The following ACYP2 variants were observed in gnomAD, a reference collection of about 807,000 sequenced individuals.
ACYP2 encodes acylphosphatase-2.
A neutral mutation model predicts 11.2 loss-of-function variants in ACYP2; 12 were observed. The ratio of observed to expected loss-of-function variants is 1.08; its 90% confidence interval spans 0.69 to 1.74. ACYP2 has a LOEUF of 1.74. ACYP2 is among the 40% of genes most tolerant of loss of function. The probability of loss-of-function intolerance (pLI) is 0.00; values close to 1 mark genes in which losing one functional copy is unlikely to be tolerated. For synonymous variants in ACYP2, 43 were observed against 32.2 expected, an observed-to-expected ratio of 1.33 and a Z score of -1.13; for missense variants, 134 against 101.9, an observed-to-expected ratio of 1.31 and a Z score of -1.35.
rs34122179 is a variant in ACYP2, at chr2:54,027,837, C to CTT, written c.63-23102_63-23101dup. Reference sequence around the variant, plus strand: ...AGTCATCATGTTTCTTTCTTTCTTTCTTTTTTTTTTTTTTTTTTTTGAGAC... The same window carrying CTT: ...AGTCATCATGTTTCTTTCTTTCTTTCTTTTTTTTTTTTTTTTTTTTTTGAGAC... On this transcript the variant is annotated intron_variant, in intron 2 of 6. Transcript: ENST00000607452. Among the ~76,000 whole-genome samples the CTT allele has an allele frequency of 1.4e-3, 137 of 97,854 alleles. 3 individuals carry two copies. The highest frequency in any genetic ancestry group is 2.2e-3 in the Non-Finnish European group (112 of 51,320). 64.2% of individuals were successfully genotyped at this position (97,854 alleles called of 152,430 possible).
At chr2:54,065,931 T>G (rs1676722139) in intron 4 of ACYP2, 1 of 158,438 alleles carries the variant, frequency 6.3e-6, no homozygotes. Context: ...AGCCTCTTCT[T>G]TCAAACATGA....
intron 4 of ACYP2, among the ~76,000 whole-genome samples, chr2:54,108,785 A>G: frequency 6.6e-6 from 1 of 152,148 alleles, no homozygotes; most frequent in East Asian, 1.9e-4. Flanking sequence ...TCCTGATGTA[A>G]TATTAACTTT....
chr2:54,035,828 C>G (rs1232596780), intron 2 of ACYP2, among the ~76,000 whole-genome samples: 2 of 152,040 alleles, frequency 1.3e-5, no homozygotes, highest in African/African-American at 4.8e-5. Context: ...CTTCTAAGGA[C>G]TTGAGAATGA....
chr2:54,068,809 C>G (rs2103644037), intron 4 of ACYP2, among the ~76,000 whole-genome samples: 1 of 152,118 alleles, frequency 6.6e-6, no homozygotes, highest in East Asian at 1.9e-4. Flanking sequence ...CTCAAACAGC[C>G]TGTGTTTGAA....
At chr2:54,254,782 G>C (rs1366173830) in intron 6 of ACYP2, 1 of 812,884 alleles carries the variant, frequency 1.2e-6, no homozygotes, top group Non-Finnish European at 1.9e-6. Flanking sequence ...CAGGTTGAGA[G>C]AACGGAAAGT....
At chr2:54,122,628 C>G (rs953018295) in intron 4 of ACYP2, among the ~76,000 whole-genome samples, 1 of 152,192 alleles carries the variant, frequency 6.6e-6, no homozygotes, top group African/African-American at 2.4e-5. Context: ...CCACATCTAC[C>G]TTTTCTTTCT....
In ACYP2 at chr2:54,061,485, A is replaced by C. The variant is rs533025346; in HGVS notation, c.277+4125A>C. ...TCCTGAACAGAGACTAAAGTTGCTG[A>C]TGATGTTGTTTTCTTACTGGTGAAC... On this transcript the variant is annotated intron_variant, in intron 4 of 6. Coordinates refer to ENST00000607452, the MANE Select transcript of ACYP2 (RefSeq NM_001320586.2). Among the ~76,000 whole-genome samples the C allele has an allele frequency of 1.3e-4, 20 of 152,310 alleles. No homozygotes were observed. The East Asian group carries it at 3.9e-3, about 29-fold the overall frequency.
At chr2:54,245,262 T>G (rs998499560) in intron 6 of ACYP2, among the ~76,000 whole-genome samples, 1 of 152,196 alleles carries the variant, frequency 6.6e-6, no homozygotes, top group African/African-American at 2.4e-5. Context: ...TATACCACAT[T>G]TCCTTGATTC....
At chr2:54,045,498 G>A (rs565988907) in intron 2 of ACYP2, among the ~76,000 whole-genome samples, 1 of 152,274 alleles carries the variant, frequency 6.6e-6, no homozygotes, top group African/African-American at 2.4e-5. Context: ...CCAAAGAGAA[G>A]GCTTGACATT....
At chr2:54,182,050 T>TA (rs1370485544) in intron 6 of ACYP2, among the ~76,000 whole-genome samples, 1 of 140,208 alleles carries the variant, frequency 7.1e-6, no homozygotes, top group Non-Finnish European at 1.5e-5. Flanking sequence ...GAAGATAATT[T>TA]TTTTTTTTTT....
At chr2:54,250,536 G>A (rs900965849) in intron 6 of ACYP2, among the ~76,000 whole-genome samples, 3 of 152,162 alleles carry the variant, frequency 2.0e-5, no homozygotes, top group Non-Finnish European at 2.9e-5. Flanking sequence ...ATAGCAAAGA[G>A]AAAATTGTGC....
chr2:53,973,663 C>T, intron 1 of ACYP2: 1 of 219,458 alleles, frequency 4.6e-6, no homozygotes, highest in Non-Finnish European at 8.9e-6. Context: ...ATTCCAAAAC[C>T]TATAAGAACT....
At chr2:54,188,889 C>T (rs1186419492) in intron 6 of ACYP2, among the ~76,000 whole-genome samples, 3 of 152,298 alleles carry the variant, frequency 2.0e-5, no homozygotes, top group African/African-American at 7.2e-5. Flanking sequence ...CTGCTTTCTC[C>T]TGTTTCTGCA....
At chr2:54,303,420 G>A (rs558086239) in intron 6 of ACYP2, among the ~76,000 whole-genome samples, 5 of 152,164 alleles carry the variant, frequency 3.3e-5, no homozygotes, top group African/African-American at 1.2e-4. Flanking sequence ...TATTTGTGGC[G>A]TCAGTTTTCT....
At chr2:54,184,367 A>AT (rs1683879293) in intron 6 of ACYP2, among the ~76,000 whole-genome samples, 1 of 152,194 alleles carries the variant, frequency 6.6e-6, no homozygotes, top group South Asian at 2.1e-4. Flanking sequence ...TAGTAAGTTA[A>AT]TTTTTTTATA....
At chr2:54,111,749 T>A (rs1453123290) in intron 4 of ACYP2, among the ~76,000 whole-genome samples, 1 of 152,202 alleles carries the variant, frequency 6.6e-6, no homozygotes, top group Non-Finnish European at 1.5e-5. Flanking sequence ...TCATGTTGGG[T>A]CCTGCACTTT....
chr2:54,005,094 G>T (rs774537419), intron 2 of ACYP2, among the ~76,000 whole-genome samples: 5 of 151,852 alleles, frequency 3.3e-5, no homozygotes, highest in Non-Finnish European at 7.4e-5. Flanking sequence ...AAAATAAAAA[G>T]CCTTAAATTT....
At chr2:54,181,428 C>T (rs1038365173) in intron 6 of ACYP2, among the ~76,000 whole-genome samples, 1 of 152,148 alleles carries the variant, frequency 6.6e-6, no homozygotes, top group Admixed American at 6.6e-5. Context: ...TTGCTGAACA[C>T]CATGACAGGC....
chr2:54,132,872 G>A (rs1055441402), intron 4 of ACYP2, among the ~76,000 whole-genome samples: 1 of 151,482 alleles, frequency 6.6e-6, no homozygotes, highest in Non-Finnish European at 1.5e-5. Flanking sequence ...AGCCTCCCAA[G>A]TAGCTAGGAT....
Sources: gnomAD v4.1 joint callset for allele counts (sites outside exome capture counted in the v4.1 genomes callset) on GRCh38, gnomAD v4.1.1 for gene constraint, MANE v1.5 for transcripts, NCBI Gene and HGNC (gene_info 2026-07-23, HGNC 2026-07-21) for gene names.